ACTG2: variants seen among roughly 807,000 people sequenced by gnomAD.
ACTG2 encodes the protein actin gamma 2, smooth muscle, also known as actin, gamma-enteric smooth muscle.
Under a neutral mutation model 37.6 loss-of-function variants are expected in ACTG2, and 16 were observed. That is an observed-to-expected ratio of 0.43 (90% confidence interval 0.29 to 0.65). The LOEUF is 0.65. ACTG2 is among the 30% of genes least tolerant of loss of function. ACTG2 has a pLI of 0.18. For synonymous variants in ACTG2, 181 were observed against 179.9 expected (o/e 1.01, Z -0.05); for missense variants, 238 against 490.9 (o/e 0.48, Z 4.87).
intron 3 of ACTG2, 60 bp from the exon 4 acceptor site, chr2:73,908,613 A>T (rs1680063681): frequency 7.2e-7 from 1 of 1,383,712 alleles, no homozygotes; most frequent in Non-Finnish European, 1.0e-6. Context: ...TGGGAATGTC[A>T]ATGAGAATTT....
chr2:73,913,737 T>A, intron 6 of ACTG2, 91 bp downstream of exon 6: 1 of 1,190,412 alleles, frequency 8.4e-7, no homozygotes, highest in African/African-American at 1.5e-5. Context: ...ATTCTGTGAC[T>A]CTGTGTCTTT....
chr2:73,896,284 T>C (rs1435954984), intron 1 of ACTG2, among the ~76,000 whole-genome samples: 1 of 149,448 alleles, frequency 6.7e-6, no homozygotes, highest in Non-Finnish European at 1.5e-5. Flanking sequence ...AGTTCAAGCC[T>C]GCAGTGAGCT....
intron 3 of ACTG2, chr2:73,902,832 C>A: frequency 6.9e-7 from 1 of 1,452,718 alleles, no homozygotes; most frequent in Non-Finnish European, 9.2e-7. Flanking sequence ...ACAGGGGGTT[C>A]CTAACTCCCC....
chr2:73,893,500 G>A (rs1396724559), intron 1 of ACTG2, among the ~76,000 whole-genome samples: 3 of 152,190 alleles, frequency 2.0e-5, no homozygotes, highest in African/African-American at 7.2e-5. Flanking sequence ...TCCATGAAAT[G>A]TCTGTGCTGG....
At position 73,910,492 on chromosome 2, in the gene ACTG2, A is replaced by G. The variant is rs546279059; in HGVS notation, c.451+1353A>G. The stretch of plus-strand genomic sequence containing the variant: ...AACGATTCTCCTGCCTCAGCCTCCC[A>G]TGACTTTTTTTTTTTTTTTTTTTTG... On this transcript the variant is annotated intron_variant, in intron 5 of 8. Coordinates refer to ENST00000345517, the MANE Select transcript of ACTG2 (RefSeq NM_001615.4). Among the ~76,000 whole-genome samples, 469 of 99,604 alleles carry G rather than the reference A, an allele frequency of 4.7e-3. 9 individuals carry two copies. Among genetic ancestry groups the G allele is most frequent in the African/African-American group, 0.018 (440 of 24,468 alleles). The allele number at this position is 99,604 out of a possible 152,430, so 65.3% of individuals were successfully genotyped here.
At chr2:73,907,977 C>T (rs952927170) in intron 3 of ACTG2, among the ~76,000 whole-genome samples, 4 of 152,356 alleles carry the variant, frequency 2.6e-5, no homozygotes, top group African/African-American at 9.6e-5. Context: ...AGTGTACACT[C>T]AGCTGCGGTT....
intron 3 of ACTG2, among the ~76,000 whole-genome samples, chr2:73,903,753 A>G (rs528956841): frequency 2.1e-4 from 32 of 152,162 alleles, no homozygotes; most frequent in African/African-American, 7.7e-4. Context: ...CAACCTGGCC[A>G]ACATGATGAA....
chr2:73,907,671 A>T (rs831552), intron 3 of ACTG2, among the ~76,000 whole-genome samples: 11 of 151,780 alleles, frequency 7.2e-5, no homozygotes, highest in Non-Finnish European at 1.2e-4. Flanking sequence ...TTGTAGAGAC[A>T]GGCCCACAGT....
chr2:73,914,536 G>A lies in ACTG2; in HGVS notation c.614-144G>A, dbSNP rs189200564. On this transcript the variant is annotated intron_variant, in intron 6 of 8. Transcript: ENST00000345517. Reference sequence around the variant, plus strand: ...ATAGCACCACTGCACTTCAGTCTGGGTGACAGAGTGAGACTCTGTCTCAAA... The same window carrying A: ...ATAGCACCACTGCACTTCAGTCTGGATGACAGAGTGAGACTCTGTCTCAAA... 201 of 609,388 alleles carry A rather than the reference G, an allele frequency of 3.3e-4. 2 individuals are homozygous for A. Among genetic ancestry groups the A allele is most frequent in the South Asian group, 3.2e-3 (78 of 24,286 alleles). The allele number at this position is 609,388 out of a possible 1,614,324, so 37.7% of individuals were successfully genotyped here.
Position 73,908,572 on chromosome 2 carries a change from C to A in ACTG2, c.256-101C>A. On this transcript the variant is annotated intron_variant, in intron 3 of 8. Transcript: ENST00000345517. ...TTCTCCTCTCCAGATCCATCCCATC[C>A]TGTGTAACATGGTGCCACACTCTCC... 6.1e-6 allele frequency: 6 copies of A among 991,582 alleles called. No individual in the cohort carries two copies. In the South Asian group the frequency reaches 9.5e-5, roughly 16 times the overall value. 61.4% of individuals were successfully genotyped at this position (991,582 alleles called of 1,614,324 possible).
chr2:73,901,610 G>A (rs560021348), intron 2 of ACTG2, 173 bp downstream of exon 2: 1 of 1,037,300 alleles, frequency 9.6e-7, no homozygotes, highest in Non-Finnish European at 1.3e-6. Flanking sequence ...GTGTGTCTGT[G>A]CATGCACATG....
chr2:73,901,866 G>C (rs536839556), intron 2 of ACTG2: 1 of 193,986 alleles, frequency 5.2e-6, no homozygotes, highest in Non-Finnish European at 1.0e-5. Context: ...GAGATCATGG[G>C]CTGTAATAGA....
chr2:73,894,200 C>T (rs1396768767), intron 1 of ACTG2, among the ~76,000 whole-genome samples: 2 of 152,128 alleles, frequency 1.3e-5, no homozygotes, highest in Non-Finnish European at 2.9e-5. Context: ...CGAGATATGG[C>T]CTGATACTTG....
chr2:73,912,587 A>G (rs1680162414), intron 5 of ACTG2, among the ~76,000 whole-genome samples: 1 of 152,230 alleles, frequency 6.6e-6, no homozygotes, highest in Non-Finnish European at 1.5e-5. Context: ...ATTATACAAT[A>G]TGCCATGATT....
intron 1 of ACTG2, among the ~76,000 whole-genome samples, chr2:73,899,477 A>G (rs971434349): frequency 2.6e-5 from 4 of 152,000 alleles, no homozygotes; most frequent in Non-Finnish European, 5.9e-5. Flanking sequence ...ATATATATAT[A>G]TATATCTTCT....
At chr2:73,917,812 A>G (rs1680300664) in intron 8 of ACTG2, among the ~76,000 whole-genome samples, 1 of 152,212 alleles carries the variant, frequency 6.6e-6, no homozygotes, top group South Asian at 2.1e-4. Context: ...ACCCAGAGCC[A>G]CAGGAATGGT....
chr2:73,902,701 G>A, intron 3 of ACTG2: 2 of 1,551,368 alleles, frequency 1.3e-6, no homozygotes, highest in Non-Finnish European at 1.7e-6. Flanking sequence ...CTGATTTCTT[G>A]GTCTCTTGCC....
At chr2:73,919,129 A>T (rs1680327835) in intron 8 of ACTG2, among the ~76,000 whole-genome samples, 1 of 152,228 alleles carries the variant, frequency 6.6e-6, no homozygotes, top group African/African-American at 2.4e-5. Context: ...ATGGCAGAGC[A>T]AGAGAACATG....
intron 3 of ACTG2, among the ~76,000 whole-genome samples, chr2:73,906,370 G>C (rs1680015410): frequency 6.6e-6 from 1 of 152,012 alleles, no homozygotes; most frequent in African/African-American, 2.4e-5. Flanking sequence ...AGAATGCCGT[G>C]AACCCGGGAG....
Sources: gnomAD v4.1 joint callset for allele counts (sites outside exome capture counted in the v4.1 genomes callset) on GRCh38, gnomAD v4.1.1 for gene constraint, MANE v1.5 for transcripts, NCBI Gene and HGNC (gene_info 2026-07-23, HGNC 2026-07-21) for gene names.